PAM16: variants seen among roughly 807,000 people sequenced by gnomAD.
PAM16 encodes mitochondrial import inner membrane translocase subunit TIM16.
In PAM16, 11 loss-of-function variants were observed where a neutral mutation model predicts 17.9. That is an observed-to-expected ratio of 0.62 (90% CI 0.39 to 1.02). PAM16 has a LOEUF of 1.02. Among genes scored for constraint, PAM16 ranks in the 50% least tolerant of loss-of-function variants. PAM16 has a pLI of 0.01. For synonymous variants in PAM16, 72 were observed against 67.4 expected, an observed-to-expected ratio of 1.07 and a Z score of -0.34; for missense variants, 199 against 165.4, an observed-to-expected ratio of 1.20 and a Z score of -1.11.
chr16:4,342,322 C>G (rs184023494), intron 2 of PAM16, among the ~76,000 whole-genome samples: 85 of 151,152 alleles, frequency 5.6e-4, no homozygotes, highest in African/African-American at 2.0e-3. Flanking sequence ...CGCACCATTG[C>G]ACTCCAGCCT....
Position 4,340,417 on chromosome 16 carries a change from C to T in PAM16, c.292-12G>A, listed in dbSNP as rs200459458. On this transcript the variant is annotated splice_polypyrimidine_tract_variant and intron_variant, in intron 4 of 4. Coordinates refer to ENST00000318059, the MANE Select transcript of PAM16 (RefSeq NM_016069.11). ...TTTGCGCGGACCACCTAGTGGGTCA[C>T]GGATAATCAGGCCGGGAGGCCAAGC... 252 of 1,609,016 alleles carry T rather than the reference C, an allele frequency of 1.6e-4. 1 individual carries two copies. The African/African-American group carries it at 2.1e-3, about 14-fold the overall frequency.
At chr16:4,349,006 G>A (rs1171272653) in intron 1 of PAM16, among the ~76,000 whole-genome samples, 2 of 139,682 alleles carry the variant, frequency 1.4e-5, no homozygotes, top group African/African-American at 2.7e-5. Context: ...CCAGGCCGGA[G>A]TGCAGTAGCG....
intron 1 of PAM16, 117 bp downstream of exon 1, chr16:4,351,115 G>A (rs2053850462): frequency 4.1e-6 from 2 of 487,676 alleles, no homozygotes; most frequent in Non-Finnish European, 6.3e-6. Flanking sequence ...CATGCTTCCC[G>A]CCGGGCACGC....
rs755022788 is a variant in PAM16, at chr16:4,351,220, C to G, written c.3+12G>C. 6 of 1,437,302 alleles carry G rather than the reference C, an allele frequency of 4.2e-6. No individual in the cohort carries two copies. The highest frequency in any genetic ancestry group is 5.5e-6 in the Non-Finnish European group (6 of 1,086,926). 89.0% of individuals were successfully genotyped at this position (1,437,302 alleles called of 1,614,324 possible). On this transcript the variant is annotated intron_variant, in intron 1 of 4. Transcript: ENST00000318059. ...GCTTCCCCTCCCCGGTAGCGCCCGA[C>G]TCGGGGCTCACCATGGCAGCCGCTC...
chr16:4,349,410 T>C (rs1034582287), intron 1 of PAM16, among the ~76,000 whole-genome samples: 2 of 152,030 alleles, frequency 1.3e-5, no homozygotes, highest in Non-Finnish European at 2.9e-5. Context: ...CTACAAAAAA[T>C]ACAAAAAATT....
rs530133377 is a variant in PAM16, at chr16:4,340,981, T to C, written c.230A>G (p.Tyr77Cys). The change falls in exon 4 of 5, where the codon TAT (tyrosine) becomes TGT (cysteine). Residue 77 changes from tyrosine (Y) to cysteine (C), a missense_variant. Transcript: ENST00000318059. ...KLSPEEVQKN[Y>C]EHLFKVNDKS... is the part of the protein sequence containing the mutation. The stretch of plus-strand genomic sequence containing the variant: ...ATCATTCACCTTAAATAAGTGTTCA[T>C]AGTTCTGCAGAGGAGAGGGGACGGG... 3.7e-6 allele frequency: 6 copies of C among 1,613,580 alleles called. No homozygotes were observed. The highest frequency in any genetic ancestry group is 1.7e-4 in the Middle Eastern group (1 of 6,060).
chr16:4,345,853 C>A lies in PAM16; in HGVS notation c.4-2562G>T, dbSNP rs2053750061. The A allele has an allele frequency of 4.1e-6, 4 of 985,200 alleles. No homozygotes were observed. The African/African-American group carries it at 7.0e-5, about 17-fold the overall frequency. 61.0% of individuals were successfully genotyped at this position (985,200 alleles called of 1,614,324 possible). ...GAGGCTCAGGGATGGGATGCTGGTGCTGTCTGAAGGACAGAGGTGAAAGTC... is the reference window on the plus strand; with the variant it reads ...GAGGCTCAGGGATGGGATGCTGGTGATGTCTGAAGGACAGAGGTGAAAGTC... On this transcript the variant is annotated intron_variant, in intron 1 of 4. Transcript: ENST00000318059.
intron 2 of PAM16, among the ~76,000 whole-genome samples, chr16:4,342,030 C>A (rs542244210): frequency 6.6e-6 from 1 of 152,220 alleles, no homozygotes; most frequent in Non-Finnish European, 1.5e-5. Context: ...AATGAGCCTA[C>A]ACTGGAACCA....
chr16:4,346,243 C>T (rs556714490), intron 1 of PAM16, among the ~76,000 whole-genome samples: 1 of 152,300 alleles, frequency 6.6e-6, no homozygotes, highest in South Asian at 2.1e-4. Context: ...ATGGTTACAC[C>T]TGCAGGCTTT....
intron 3 of PAM16, 76 bp from the exon 4 acceptor site, chr16:4,341,061 G>A (rs978909547): frequency 4.5e-5 from 70 of 1,563,978 alleles, no homozygotes; most frequent in African/African-American, 1.8e-4. Flanking sequence ...GTGGGGCCAC[G>A]TGAGAGAGGC....
intron 1 of PAM16, 133 bp downstream of exon 1, chr16:4,351,099 C>G: frequency 2.3e-6 from 1 of 435,766 alleles, no homozygotes. Context: ...TGCAACGCCC[C>G]CAGACCATGC....
chr16:4,342,282 C>T (rs1243835416), intron 2 of PAM16, among the ~76,000 whole-genome samples: 3 of 152,090 alleles, frequency 2.0e-5, no homozygotes, highest in South Asian at 2.1e-4. Flanking sequence ...TGCTTGAACC[C>T]GGGAGGCAGA....
At chr16:4,349,558 G>C (rs1291367952) in intron 1 of PAM16, among the ~76,000 whole-genome samples, 3 of 152,140 alleles carry the variant, frequency 2.0e-5, no homozygotes, top group Admixed American at 2.0e-4. Flanking sequence ...CTGTACTCCA[G>C]CCTAGGAGAC....
At chr16:4,346,560 T>C (rs552864722) in intron 1 of PAM16, 68 of 152,282 alleles carry the variant, frequency 4.5e-4, no homozygotes, top group African/African-American at 1.6e-3. Context: ...CAAAACACCA[T>C]ACTACATTCC....
intron 4 of PAM16, 72 bp downstream of exon 4, chr16:4,340,848 C>A (rs2053632882): frequency 6.3e-7 from 1 of 1,584,038 alleles, no homozygotes; most frequent in African/African-American, 1.3e-5. Context: ...GCTCCCCCAA[C>A]TAGGAATTGA....
intron 1 of PAM16, chr16:4,347,859 C>G (rs1448765743): frequency 6.6e-6 from 1 of 152,242 alleles, no homozygotes; most frequent in African/African-American, 2.4e-5. Flanking sequence ...GCACAGGATC[C>G]AATCCTGGCA....
At chr16:4,347,387 T>G (rs921060511) in intron 1 of PAM16, 2 of 152,016 alleles carry the variant, frequency 1.3e-5, no homozygotes, top group Non-Finnish European at 2.9e-5. Flanking sequence ...TGAACTGCCC[T>G]CCTCGGCTTC....
chr16:4,340,256 A>T lies in PAM16; in HGVS notation c.*63T>A. 1.3e-6 allele frequency: 2 copies of T among 1,557,530 alleles called. No homozygotes were observed. The highest frequency in any genetic ancestry group is 1.8e-6 in the Non-Finnish European group (2 of 1,140,748). ...GGACACATGCAAACGAGAAATGCAG[A>T]AAAGAAATTTATTACCAAGCTATAA... On this transcript the variant is annotated 3_prime_UTR_variant, in exon 5 of 5. Coordinates refer to ENST00000318059, the MANE Select transcript of PAM16 (RefSeq NM_016069.11).
intron 3 of PAM16, 38 bp from the exon 4 acceptor site, chr16:4,341,023 T>G (rs2053636707): frequency 6.2e-7 from 1 of 1,611,532 alleles, no homozygotes; most frequent in South Asian, 1.1e-5. Flanking sequence ...GGCTGCAGAC[T>G]GCAGGCAAGA....
Sources: allele counts gnomAD v4.1 joint callset (sites outside exome capture counted in the v4.1 genomes callset), GRCh38; gene constraint gnomAD v4.1.1; transcripts MANE v1.5; gene names NCBI Gene and HGNC (gene_info 2026-07-23, HGNC 2026-07-21).